SHANK2: variants seen among roughly 807,000 people sequenced by gnomAD.
SHANK2 encodes the protein SH3 and multiple ankyrin repeat domains protein 2.
SHANK2 carries 43 observed loss-of-function variants against 133.7 expected under a neutral mutation model. The observed-to-expected ratio is 0.32, with a 90% CI of 0.25 to 0.41. The LOEUF (loss-of-function observed/expected upper bound fraction) is 0.41, where lower values mean the gene tolerates loss of function less well. Among genes scored for constraint, SHANK2 ranks in the 10% least tolerant of loss-of-function variants. The probability of loss-of-function intolerance (pLI) is 1.00; values close to 1 mark genes in which losing one functional copy is unlikely to be tolerated. For missense variants in SHANK2, 1,994 were observed against 2,235.8 expected, an observed-to-expected ratio of 0.89 and a Z score of 2.18; for synonymous variants, 1,017 against 952.8, an observed-to-expected ratio of 1.07 and a Z score of -1.24.
At chr11:70,759,631 C>T (rs1223668303) in intron 14 of SHANK2, among the ~76,000 whole-genome samples, 10 of 152,170 alleles carry the variant, frequency 6.6e-5, no homozygotes, top group Admixed American at 5.9e-4. Flanking sequence ...ATAGAATGGG[C>T]TCCTGGTGGC....
intron 17 of SHANK2, among the ~76,000 whole-genome samples, chr11:70,509,522 T>C (rs971317064): frequency 2.0e-5 from 3 of 152,202 alleles, no homozygotes; most frequent in Non-Finnish European, 4.4e-5. Context: ...TAGCTCTGAG[T>C]CTTCAGCATT....
intron 9 of SHANK2, among the ~76,000 whole-genome samples, chr11:71,067,781 TCAC>T (rs1295672667): frequency 2.0e-5 from 3 of 151,516 alleles, no homozygotes; most frequent in Admixed American, 1.3e-4. Flanking sequence ...ACTGCCATCA[TCAC>T]CACCACCACC....
chr11:70,862,192 C>T (rs1435205046), intron 11 of SHANK2, among the ~76,000 whole-genome samples: 7 of 152,144 alleles, frequency 4.6e-5, no homozygotes, highest in African/African-American at 1.2e-4. Flanking sequence ...GCCAGCTCCC[C>T]GAACACAGCC....
chr11:70,948,440 T>C (rs1244370160), intron 10 of SHANK2: 2 of 454,926 alleles, frequency 4.4e-6, no homozygotes, highest in South Asian at 1.6e-5. Context: ...CTTTTCATCA[T>C]AGATATGCAC....
At chr11:70,481,360 T>A (rs2058731182) in intron 25 of SHANK2, among the ~76,000 whole-genome samples, 1 of 152,226 alleles carries the variant, frequency 6.6e-6, no homozygotes. Context: ...TAAAGTTAAA[T>A]CAAACATACC....
intron 11 of SHANK2, among the ~76,000 whole-genome samples, chr11:70,880,693 C>T (rs552827270): frequency 4.5e-4 from 68 of 152,324 alleles, no homozygotes; most frequent in African/African-American, 1.5e-3. Flanking sequence ...CTGGGGAACA[C>T]GATGTCTGCT....
chr11:71,059,375 T>C (rs1950960517), intron 9 of SHANK2, among the ~76,000 whole-genome samples: 1 of 151,902 alleles, frequency 6.6e-6, no homozygotes, highest in Non-Finnish European at 1.5e-5. Flanking sequence ...TGGTCGATGG[T>C]GGTGATGGTT....
intron 17 of SHANK2, among the ~76,000 whole-genome samples, chr11:70,595,151 A>C (rs1364305444): frequency 6.6e-6 from 1 of 152,234 alleles, no homozygotes; most frequent in Non-Finnish European, 1.5e-5. Flanking sequence ...GCCAGGGTAC[A>C]AGAAAAACCC....
intron 17 of SHANK2, among the ~76,000 whole-genome samples, chr11:70,595,196 G>C (rs532439839): frequency 6.6e-6 from 1 of 152,106 alleles, no homozygotes; most frequent in African/African-American, 2.4e-5. Context: ...CGGATGGAGT[G>C]GGGGGTGGCC....
rs1315015158 is a variant in SHANK2, at chr11:70,658,246, GACAC to G, written c.2061+1578_2061+1581del. 3.7e-4 allele frequency among the ~76,000 whole-genome samples: 45 copies of G among 121,992 alleles called. No individual in the cohort carries two copies. The East Asian group carries it at 3.8e-3, about 10-fold the overall frequency. 80.0% of individuals were successfully genotyped at this position (121,992 alleles called of 152,430 possible). On this transcript the variant is annotated intron_variant, in intron 17 of 25. Transcript: ENST00000601538. Reference sequence around the variant, plus strand: ...ACACACACACACACACACACACACAGACACACACACACACACAGACACACACACA... The same window carrying G: ...ACACACACACACACACACACACACAGACACACACACACAGACACACACACA...
At chr11:71,171,540 A>G (rs1057417467) in intron 2 of SHANK2, among the ~76,000 whole-genome samples, 55 of 152,144 alleles carry the variant, frequency 3.6e-4, no homozygotes, top group African/African-American at 1.3e-3. Flanking sequence ...GAGTTGTCCA[A>G]AGACAAGAGA....
intron 2 of SHANK2, among the ~76,000 whole-genome samples, chr11:71,203,926 C>T (rs753171003): frequency 1.2e-4 from 19 of 152,216 alleles, no homozygotes; most frequent in African/African-American, 2.2e-4. Flanking sequence ...GAACCATCTA[C>T]GTGCCGCCCC....
chr11:71,232,537 CT>C (rs782667916), intron 1 of SHANK2, among the ~76,000 whole-genome samples: 4 of 151,954 alleles, frequency 2.6e-5, no homozygotes, highest in Admixed American at 6.6e-5. Context: ...TCCTCCTCCT[CT>C]TTCCCCCCTC....
chr11:70,576,846 G>C (rs2060121858), intron 17 of SHANK2, among the ~76,000 whole-genome samples: 1 of 152,244 alleles, frequency 6.6e-6, no homozygotes, highest in South Asian at 2.1e-4. Context: ...AAATAGGGCA[G>C]TAGTGCTGCC....
chr11:70,492,042 C>T (rs2058893564), intron 22 of SHANK2, among the ~76,000 whole-genome samples: 1 of 152,216 alleles, frequency 6.6e-6, no homozygotes, highest in Non-Finnish European at 1.5e-5. Context: ...TGTGTCAAGG[C>T]CCCTTACTTC....
At chr11:70,587,342 G>A (rs949083821) in intron 17 of SHANK2, among the ~76,000 whole-genome samples, 1 of 152,174 alleles carries the variant, frequency 6.6e-6, no homozygotes, top group South Asian at 2.1e-4. Flanking sequence ...GGCCCTAATG[G>A]GGCAGAGGGG....
intron 2 of SHANK2, among the ~76,000 whole-genome samples, chr11:71,168,292 C>A (rs1245040549): frequency 2.2e-5 from 3 of 134,908 alleles, no homozygotes; most frequent in Non-Finnish European, 4.8e-5. Context: ...GCACTCCTCA[C>A]TTCCTAGATG....
At chr11:70,780,732 C>A (rs1555044949) in intron 14 of SHANK2, among the ~76,000 whole-genome samples, 1 of 152,028 alleles carries the variant, frequency 6.6e-6, no homozygotes, top group Non-Finnish European at 1.5e-5. Context: ...GCCACCATAT[C>A]TGGCTAATTT....
chr11:70,765,573 C>T (rs1367998299), intron 14 of SHANK2, among the ~76,000 whole-genome samples: 1 of 152,194 alleles, frequency 6.6e-6, no homozygotes, highest in African/African-American at 2.4e-5. Flanking sequence ...TGTTTGGTTT[C>T]AGCCAGGATA....
Sources: gnomAD v4.1 joint callset for allele counts (sites outside exome capture counted in the v4.1 genomes callset) on GRCh38, gnomAD v4.1.1 for gene constraint, MANE v1.5 for transcripts, NCBI Gene and HGNC (gene_info 2026-07-23, HGNC 2026-07-21) for gene names.